Variants in GLIS3 observed in about 807,000 individuals in gnomAD.
GLIS3 encodes GLIS family zinc finger 3.
In GLIS3, 53 loss-of-function variants were observed where a neutral mutation model predicts 78.6. The ratio of observed to expected loss-of-function variants is 0.67; its 90% CI spans 0.54 to 0.85. GLIS3 has a LOEUF of 0.85. Ranked by LOEUF, GLIS3 falls within the 40% of genes least tolerant of loss-of-function variation. The pLI is 0.00. For missense variants in GLIS3, 1,703 were observed against 1,231.1 expected (o/e 1.38, Z -5.74); for synonymous variants, 684 against 509.9 (o/e 1.34, Z -4.60).
chr9:3,842,759 A>G (rs1270338844), intron 9 of GLIS3, among the ~76,000 whole-genome samples: 1 of 152,248 alleles, frequency 6.6e-6, no homozygotes, highest in African/African-American at 2.4e-5. Flanking sequence ...AAAGTTTGAG[A>G]GGCTCTAAGA....
At chr9:4,372,479 GA>G in the GLIS3 span, among the ~76,000 whole-genome samples, 1 of 149,218 alleles carries the variant, frequency 6.7e-6, no homozygotes, top group East Asian at 2.0e-4. Context: ...GTCCAGAGTC[GA>G]TACTTCAAAT....
chr9:3,936,367 C>T (rs940569294), intron 5 of GLIS3, among the ~76,000 whole-genome samples: 2 of 152,116 alleles, frequency 1.3e-5, no homozygotes, highest in African/African-American at 4.8e-5. Flanking sequence ...AATGTTGTAG[C>T]ATTAAGGGAC....
chr9:3,921,218 G>A (rs1040448768), intron 6 of GLIS3, among the ~76,000 whole-genome samples: 13 of 152,182 alleles, frequency 8.5e-5, no homozygotes, highest in African/African-American at 3.1e-4. Context: ...CCACAAGAAA[G>A]TGCCCTTCTC....
intron 2 of GLIS3, chr9:4,144,715 T>C (rs544050878): frequency 3.3e-5 from 5 of 152,236 alleles, no homozygotes; most frequent in African/African-American, 4.8e-5. Context: ...ATTTTATAAA[T>C]GGTTAGAATT....
chr9:4,225,977 A>G (rs1821735788), intron 2 of GLIS3, among the ~76,000 whole-genome samples: 1 of 152,234 alleles, frequency 6.6e-6, no homozygotes, highest in African/African-American at 2.4e-5. Flanking sequence ...AAACGTTATC[A>G]TTTTAACACT....
At chr9:4,252,410 C>T (rs4357349) in intron 2 of GLIS3, among the ~76,000 whole-genome samples, 16,428 of 151,986 alleles carry the variant, frequency 0.11, 1,203 homozygotes, top group Non-Finnish European at 0.16. Context: ...GCCACTGATA[C>T]GTGGGTATGC....
intron 2 of GLIS3, among the ~76,000 whole-genome samples, chr9:4,217,028 G>A (rs736893): frequency 0.24 from 37,234 of 152,156 alleles, 5,449 homozygotes; most frequent in Non-Finnish European, 0.33. Context: ...TTGTGGTTCT[G>A]TAAAATCCAA....
At chr9:4,050,084 C>G (rs565189957) in intron 4 of GLIS3, among the ~76,000 whole-genome samples, 3 of 152,132 alleles carry the variant, frequency 2.0e-5, no homozygotes, top group Non-Finnish European at 4.4e-5. Flanking sequence ...TTGACCCAGC[C>G]ATCCCATTAC....
At chr9:4,413,768 T>C in the GLIS3 span, among the ~76,000 whole-genome samples, 2 of 152,112 alleles carry the variant, frequency 1.3e-5, no homozygotes, top group African/African-American at 4.8e-5. Context: ...TGCCTTCCAC[T>C]GACCATTTTT....
In GLIS3 at chr9:3,980,831, CTTT is replaced by C. The variant is rs535992306; in HGVS notation, c.1711-43645_1711-43643del. On this transcript the variant is annotated intron_variant, in intron 4 of 10. Coordinates refer to ENST00000381971, the MANE Select transcript of GLIS3 (RefSeq NM_001042413.2). ...ACTGACTTTTCTTCTTCTTCTTCTT[CTTT>C]TTTTCTGCTTGCTTCCCTACTTCCA... Among the ~76,000 whole-genome samples, 162 of 151,766 alleles carry C rather than the reference CTTT, an allele frequency of 1.1e-3. 1 individual carries two copies. Among genetic ancestry groups the C allele is most frequent in the African/African-American group, 3.6e-3 (146 of 41,112 alleles).
At chr9:3,913,276 A>G (rs1362319523) in intron 6 of GLIS3, among the ~76,000 whole-genome samples, 4 of 152,222 alleles carry the variant, frequency 2.6e-5, no homozygotes, top group African/African-American at 9.6e-5. Flanking sequence ...ACCTACTTCT[A>G]AAAGTTGAAG....
At chr9:4,316,795 T>G (rs1450639960) in intron 2 of GLIS3, among the ~76,000 whole-genome samples, 1 of 152,252 alleles carries the variant, frequency 6.6e-6, no homozygotes, top group Non-Finnish European at 1.5e-5. Flanking sequence ...TAGTTATTTT[T>G]ATTAATCTTT....
the GLIS3 span, among the ~76,000 whole-genome samples, chr9:4,372,825 G>C: frequency 6.6e-6 from 1 of 152,012 alleles, no homozygotes; most frequent in Non-Finnish European, 1.5e-5. Flanking sequence ...TTTCACCTAC[G>C]TTCTCACCTC....
At chr9:3,937,661 G>C (rs1449616832) in intron 4 of GLIS3, among the ~76,000 whole-genome samples, 1 of 152,080 alleles carries the variant, frequency 6.6e-6, no homozygotes, top group Non-Finnish European at 1.5e-5. Flanking sequence ...TGAGAGTCCA[G>C]GATGAAAAAG....
intron 2 of GLIS3, among the ~76,000 whole-genome samples, chr9:4,179,106 G>A (rs1450132118): frequency 6.6e-6 from 1 of 152,140 alleles, no homozygotes; most frequent in Non-Finnish European, 1.5e-5. Flanking sequence ...CTTGGACATT[G>A]TTTCGCCTCG....
intron 4 of GLIS3, among the ~76,000 whole-genome samples, chr9:3,983,738 T>C (rs1325174718): frequency 1.3e-5 from 2 of 152,094 alleles, no homozygotes; most frequent in Non-Finnish European, 2.9e-5. Flanking sequence ...AGGGAGATGA[T>C]TTAGGGTATC....
chr9:4,113,726 G>A (rs1831408781), intron 4 of GLIS3, among the ~76,000 whole-genome samples: 1 of 152,148 alleles, frequency 6.6e-6, no homozygotes, highest in African/African-American at 2.4e-5. Flanking sequence ...CATACATCAG[G>A]CCACAAAAGA....
the GLIS3 span, among the ~76,000 whole-genome samples, chr9:4,400,140 G>C: frequency 7.9e-5 from 12 of 152,298 alleles, no homozygotes; most frequent in East Asian, 1.9e-4. Flanking sequence ...AGGTACATGT[G>C]TATTTGAGAA....
chr9:4,397,273 C>T, the GLIS3 span, among the ~76,000 whole-genome samples: 3 of 150,208 alleles, frequency 2.0e-5, no homozygotes. Context: ...GATCCGCCCG[C>T]CTCGGCCTCC....
Sources: gnomAD v4.1 joint callset for allele counts (sites outside exome capture counted in the v4.1 genomes callset) on GRCh38, gnomAD v4.1.1 for gene constraint, MANE v1.5 for transcripts, NCBI Gene and HGNC (gene_info 2026-07-23, HGNC 2026-07-21) for gene names.